KCNQ1: variants seen among roughly 807,000 people sequenced by gnomAD.
KCNQ1 encodes potassium voltage-gated channel subfamily Q member 1, also known as potassium voltage-gated channel subfamily KQT member 1.
Under a neutral mutation model 72.4 loss-of-function variants are expected in KCNQ1, and 49 were observed. The ratio of observed to expected loss-of-function variants is 0.68; its 90% CI spans 0.54 to 0.86. KCNQ1 has a LOEUF of 0.86. Ranked by LOEUF, KCNQ1 falls within the 40% of genes least tolerant of loss-of-function variation. KCNQ1 has a pLI of 0.00. For synonymous variants in KCNQ1, 450 were observed against 412.6 expected, an observed-to-expected ratio of 1.09 and a Z score of -1.10; for missense variants, 790 against 945.1, an observed-to-expected ratio of 0.84 and a Z score of 2.15.
rs1848697126 is a variant in KCNQ1 at position 2,593,556 on chromosome 11, T to C, written c.1393+4702T>C. Among the ~76,000 whole-genome samples, 1 of 152,156 alleles carries C rather than the reference T, an allele frequency of 6.6e-6. No homozygotes were observed. Among genetic ancestry groups the C allele is most frequent in the African/African-American group, 2.4e-5 (1 of 41,430 alleles). On this transcript the variant is annotated intron_variant, in intron 10 of 15. Transcript: ENST00000155840. The surrounding 1 kb of genome is among the most constrained non-coding windows in gnomAD (Gnocchi z 6.9). ...TGTTTGCCAGGTGACCTGGGACTAT[T>C]GTGTGGTTTCCCGTTTGTGAAGTGG...
At chr11:2,553,153 G>GT (rs1379059079) in intron 2 of KCNQ1, among the ~76,000 whole-genome samples, 88 of 122,614 alleles carry the variant, frequency 7.2e-4, no homozygotes, top group Non-Finnish European at 9.6e-4. Context: ...TGTTTTTGGG[G>GT]TTTTTTTTGT....
chr11:2,594,200 T>C (rs1848706288), intron 10 of KCNQ1, among the ~76,000 whole-genome samples: 1 of 152,206 alleles, frequency 6.6e-6, no homozygotes, highest in Admixed American at 6.5e-5. Context: ...GATGGTTTCG[T>C]TGGGAGAAAG....
Position 2,642,824 on chromosome 11 carries a change from T to C in KCNQ1, c.1394-19137T>C. ...TTACAATAAACTTTCCTCTTAGCATTGCTTTTGCAGTATCCCTTAAGTTTC... is the reference window on the plus strand; with the variant it reads ...TTACAATAAACTTTCCTCTTAGCATCGCTTTTGCAGTATCCCTTAAGTTTC... On this transcript the variant is annotated intron_variant, in intron 10 of 15. Transcript: ENST00000155840. This position sits in a 1 kb window ranked among gnomAD's most constrained non-coding sequence, Gnocchi z 4.3. 2.5e-6 allele frequency: 1 copy of C among 397,920 alleles called. No individual in the cohort carries two copies. The highest frequency in any genetic ancestry group is 4.4e-6 in the Non-Finnish European group (1 of 225,690). 24.6% of individuals were successfully genotyped at this position (397,920 alleles called of 1,614,324 possible). A position where few individuals can be genotyped will look rare whatever the true frequency, so the allele number is the denominator to read the frequency against.
rs966209926 is a variant in KCNQ1, at chr11:2,611,472, A to T, written c.1393+22618A>T. On this transcript the variant is annotated intron_variant, in intron 10 of 15. Coordinates refer to ENST00000155840, the MANE Select transcript of KCNQ1 (RefSeq NM_000218.3). The surrounding 1 kb of genome is among the most constrained non-coding windows in gnomAD (Gnocchi z 5.3). ...AGTGATCTGTCTGCCTCAGCCTCCC[A>T]AAATGCTGGGATTACAGGTGTGAGC... 3 of 398,110 alleles carry T rather than the reference A, an allele frequency of 7.5e-6. No individual in the cohort carries two copies. The Admixed American group carries it at 1.3e-4, about 18-fold the overall frequency. The allele number at this position is 398,110 out of a possible 1,614,324, so 24.7% of individuals were successfully genotyped here.
rs1277734222 is a variant in KCNQ1, at chr11:2,550,158, G to A, written c.478-20470G>A. 6.6e-6 allele frequency among the ~76,000 whole-genome samples: 1 copy of A among 152,224 alleles called. No homozygotes were observed. The highest frequency in any genetic ancestry group is 1.5e-5 in the Non-Finnish European group (1 of 68,028). Reference sequence around the variant, plus strand: ...ACCAGAGCTGCCGAGCCCCGGCCTGGATGGACATCCCGCAGGCAGTGCACG... The same window carrying A: ...ACCAGAGCTGCCGAGCCCCGGCCTGAATGGACATCCCGCAGGCAGTGCACG... On this transcript the variant is annotated intron_variant, in intron 2 of 15. Transcript: ENST00000155840. This position sits in a 1 kb window ranked among gnomAD's most constrained non-coding sequence, Gnocchi z 6.0.
chr11:2,748,443 C>A lies in KCNQ1; in HGVS notation c.1515-20401C>A, dbSNP rs988690296. Among the ~76,000 whole-genome samples, 1 of 152,148 alleles carries A rather than the reference C, an allele frequency of 6.6e-6. No homozygotes were observed. Among genetic ancestry groups the A allele is most frequent in the Admixed American group, 6.5e-5 (1 of 15,282 alleles). On this transcript the variant is annotated intron_variant, in intron 11 of 15. Transcript: ENST00000155840. The surrounding 1 kb of genome is among the most constrained non-coding windows in gnomAD (Gnocchi z 6.2). ...GTCCCTATCAGATGCCCCTGGGTAC[C>A]TCCCCAGGCAGGGCCCTCAGCACCT...
At chr11:2,667,143 G>A (rs1164330601) in intron 11 of KCNQ1, 2 of 398,646 alleles carry the variant, frequency 5.0e-6, no homozygotes, top group Non-Finnish European at 8.8e-6. Flanking sequence ...ATGGGATTGG[G>A]AATCAGATGC....
chr11:2,847,149 C>T (rs1444298648), intron 15 of KCNQ1, among the ~76,000 whole-genome samples: 1 of 151,866 alleles, frequency 6.6e-6, no homozygotes, highest in Non-Finnish European at 1.5e-5. Flanking sequence ...AAGCCCTGTG[C>T]CCTGCAAGCC....
chr11:2,543,917 T>A lies in KCNQ1; in HGVS notation c.477+15899T>A, dbSNP rs1290053741. 6.6e-6 allele frequency among the ~76,000 whole-genome samples: 1 copy of A among 152,208 alleles called. No homozygotes were observed. The highest frequency in any genetic ancestry group is 2.4e-5 in the African/African-American group (1 of 41,446). Reference sequence around the variant, plus strand: ...AGAGGTTCAGTTTATCATAAAATTGTCTCTTTCTGGACACTCTACTGTGAT... The same window carrying A: ...AGAGGTTCAGTTTATCATAAAATTGACTCTTTCTGGACACTCTACTGTGAT... On this transcript the variant is annotated intron_variant, in intron 2 of 15. Transcript: ENST00000155840. This position sits in a 1 kb window ranked among gnomAD's most constrained non-coding sequence, Gnocchi z 5.6.
intron 11 of KCNQ1, among the ~76,000 whole-genome samples, chr11:2,754,040 G>A (rs1846263885): frequency 6.6e-6 from 1 of 152,226 alleles, no homozygotes; most frequent in South Asian, 2.1e-4. Context: ...GATACAAATG[G>A]CAAATGATCA....
chr11:2,525,181 C>A (rs573247115), intron 1 of KCNQ1, among the ~76,000 whole-genome samples: 1 of 152,308 alleles, frequency 6.6e-6, no homozygotes, highest in East Asian at 1.9e-4. Context: ...CTGGAGGGAA[C>A]CCTGCTCCGG....
At chr11:2,529,513 C>T (rs1374967970) in intron 2 of KCNQ1, among the ~76,000 whole-genome samples, 3 of 152,180 alleles carry the variant, frequency 2.0e-5, no homozygotes, top group Admixed American at 1.3e-4. Context: ...ATGTAGATTG[C>T]AGGCAGTTTA....
rs933931322 is a variant in KCNQ1 at position 2,451,207 on chromosome 11, AGTG to A, written c.386+5727_386+5729del. ...GGAAGAAAGATTTTTCCACCCGGGC[AGTG>A]GTGATCTTGGGATGAAACTGTTCCA... On this transcript the variant is annotated intron_variant, in intron 1 of 15. Coordinates refer to ENST00000155840, the MANE Select transcript of KCNQ1 (RefSeq NM_000218.3). The surrounding 1 kb of genome is among the most constrained non-coding windows in gnomAD (Gnocchi z 6.4). Among the ~76,000 whole-genome samples the A allele has an allele frequency of 4.6e-5, 7 of 152,178 alleles. No homozygotes were observed. Among genetic ancestry groups the A allele is most frequent in the Admixed American group, 2.6e-4 (4 of 15,286 alleles).
chr11:2,595,027 G>C lies in KCNQ1; in HGVS notation c.1393+6173G>C, dbSNP rs985509930. Among the ~76,000 whole-genome samples the C allele has an allele frequency of 1.3e-5, 2 of 152,128 alleles. No individual in the cohort carries two copies. Among genetic ancestry groups the C allele is most frequent in the Non-Finnish European group, 2.9e-5 (2 of 68,024 alleles). On this transcript the variant is annotated intron_variant, in intron 10 of 15. Coordinates refer to ENST00000155840, the MANE Select transcript of KCNQ1 (RefSeq NM_000218.3). This position sits in a 1 kb window ranked among gnomAD's most constrained non-coding sequence, Gnocchi z 5.0. ...CTCTGGAGAAGCTGCACTTTTGCTT[G>C]TACAGGGTGACCCAGTGAACCAATC...
intron 1 of KCNQ1, among the ~76,000 whole-genome samples, chr11:2,459,763 A>G (rs560330310): frequency 1.3e-5 from 2 of 152,038 alleles, no homozygotes; most frequent in African/African-American, 4.8e-5. Context: ...TGGGTCTCAG[A>G]GGTAGATGAA....
At position 2,759,866 on chromosome 11, in the gene KCNQ1, T is replaced by G. The variant is rs952034774; in HGVS notation, c.1515-8978T>G. Reference sequence around the variant, plus strand: ...GGCCCAGCCCCACCCTGAGCTGTACTGGACCCAAGCCCCAGGACCCCCTGG... The same window carrying G: ...GGCCCAGCCCCACCCTGAGCTGTACGGGACCCAAGCCCCAGGACCCCCTGG... On this transcript the variant is annotated intron_variant, in intron 11 of 15. Transcript: ENST00000155840. The surrounding 1 kb of genome is among the most constrained non-coding windows in gnomAD (Gnocchi z 4.4). 6.6e-6 allele frequency among the ~76,000 whole-genome samples: 1 copy of G among 152,092 alleles called. No individual in the cohort carries two copies. The highest frequency in any genetic ancestry group is 1.5e-5 in the Non-Finnish European group (1 of 67,994).
intron 2 of KCNQ1, among the ~76,000 whole-genome samples, chr11:2,555,344 G>A (rs1251571842): frequency 1.3e-5 from 2 of 152,196 alleles, no homozygotes; most frequent in East Asian, 3.8e-4. Flanking sequence ...GATCAGAGGG[G>A]TGCACCGTCT....
At position 2,772,084 on chromosome 11, in the gene KCNQ1, T is replaced by C. The variant is rs1846611227; in HGVS notation, c.1590+3165T>C. 6.6e-6 allele frequency among the ~76,000 whole-genome samples: 1 copy of C among 152,146 alleles called. No individual in the cohort carries two copies. The highest frequency in any genetic ancestry group is 1.5e-5 in the Non-Finnish European group (1 of 67,992). On this transcript the variant is annotated intron_variant, in intron 12 of 15. Transcript: ENST00000155840. This position sits in a 1 kb window ranked among gnomAD's most constrained non-coding sequence, Gnocchi z 6.6. The stretch of plus-strand genomic sequence containing the variant: ...CTCCGACCTCACCAGCTGGCTCTTA[T>C]TGCTGGGAGCAGCATGGAGGGGTGG...
intron 15 of KCNQ1, among the ~76,000 whole-genome samples, chr11:2,793,564 C>T (rs934854423): frequency 1.2e-4 from 19 of 152,148 alleles, no homozygotes; most frequent in African/African-American, 3.9e-4. Context: ...TTCAAGGCTG[C>T]AGTGAGCCAT....
Sources: gnomAD v4.1 joint callset for allele counts (sites outside exome capture counted in the v4.1 genomes callset) on GRCh38, gnomAD v4.1.1 for gene constraint, Gnocchi (gnomAD v3.1) non-coding constraint, MANE v1.5 for transcripts, NCBI Gene and HGNC (gene_info 2026-07-23, HGNC 2026-07-21) for gene names.